Variants in DNAH9 observed in about 807,000 individuals in gnomAD.
The protein encoded by DNAH9 is DNAH9 variant protein.
Under a neutral mutation model 471.6 loss-of-function variants are expected in DNAH9, and 345 were observed. The observed-to-expected ratio is 0.73, with a 90% CI of 0.67 to 0.80. The LOEUF is 0.80. DNAH9 is among the 30% of genes least tolerant of loss of function. The pLI, the probability that DNAH9 is intolerant of heterozygous loss-of-function variation, is 0.00. For missense variants in DNAH9, 5,407 were observed against 5,609.2 expected (o/e 0.96, Z 1.15); for synonymous variants, 2,093 against 2,123.6 (o/e 0.99, Z 0.40).
intron 61 of DNAH9, among the ~76,000 whole-genome samples, chr17:11,915,019 C>T (rs1034980829): frequency 2.0e-5 from 3 of 152,076 alleles, no homozygotes; most frequent in Non-Finnish European, 4.4e-5. Context: ...CTATTGATTC[C>T]ACCTCCTAAA....
intron 67 of DNAH9, among the ~76,000 whole-genome samples, chr17:11,961,023 A>G (rs1976108556): frequency 6.7e-6 from 1 of 148,894 alleles, no homozygotes; most frequent in East Asian, 1.9e-4. Flanking sequence ...TGCTTTAAAC[A>G]TAGTGTTCAG....
At chr17:11,833,886 A>G (rs1970750720) in intron 48 of DNAH9, among the ~76,000 whole-genome samples, 1 of 152,188 alleles carries the variant, frequency 6.6e-6, no homozygotes, top group Non-Finnish European at 1.5e-5. Context: ...AATCTTTGGC[A>G]CACTCCACAC....
At chr17:11,878,031 G>A (rs1233309370) in intron 53 of DNAH9, among the ~76,000 whole-genome samples, 2 of 152,118 alleles carry the variant, frequency 1.3e-5, no homozygotes, top group Non-Finnish European at 2.9e-5. Flanking sequence ...ACCGCGCCCG[G>A]CCAATATGAT....
At chr17:11,829,720 G>A (rs7224357) in intron 48 of DNAH9, among the ~76,000 whole-genome samples, 100,522 of 152,106 alleles carry the variant, frequency 0.66, 33,341 homozygotes, top group African/African-American at 0.7. Flanking sequence ...TGATCCTCCC[G>A]CCTGGGCCTT....
In DNAH9 at chr17:11,919,222, G is replaced by A. The variant is rs369257972; in HGVS notation, c.11750-4592G>A. On this transcript the variant is annotated intron_variant, in intron 61 of 68. Coordinates refer to ENST00000262442, the MANE Select transcript of DNAH9 (RefSeq NM_001372.4). Reference sequence around the variant, plus strand: ...TAAGAAAAGGGGTTCATGGCGGGGCGCAGTGGCTCACGCCTGTAATCCCAG... The same window carrying A: ...TAAGAAAAGGGGTTCATGGCGGGGCACAGTGGCTCACGCCTGTAATCCCAG... Among the ~76,000 whole-genome samples, 8 of 151,782 alleles carry A rather than the reference G, an allele frequency of 5.3e-5. No individual in the cohort carries two copies. In the East Asian group the frequency reaches 1.4e-3, roughly 26 times the overall value.
At chr17:11,869,065 T>A in intron 50 of DNAH9, 69 bp from the exon 51 acceptor site, 1 of 1,564,012 alleles carries the variant, frequency 6.4e-7, no homozygotes, top group Non-Finnish European at 8.7e-7. Context: ...ATGTGAACCC[T>A]CATCTAATGA....
rs377760126 is a variant in DNAH9, at chr17:11,804,748, C to T, written c.8421-2984C>T. Among the ~76,000 whole-genome samples the T allele has an allele frequency of 2.6e-5, 4 of 152,090 alleles. No homozygotes were observed. The East Asian group carries it at 7.8e-4, about 30-fold the overall frequency. On this transcript the variant is annotated intron_variant, in intron 43 of 68. Coordinates refer to ENST00000262442, the MANE Select transcript of DNAH9 (RefSeq NM_001372.4). ...AATTAGCCGAGCGTGGTGGCAGGCA[C>T]CTGTAGTCCCAGCTACTCGGGAGGC...
intron 67 of DNAH9, among the ~76,000 whole-genome samples, chr17:11,944,677 C>G (rs979933967): frequency 6.6e-6 from 1 of 152,174 alleles, no homozygotes; most frequent in Non-Finnish European, 1.5e-5. Flanking sequence ...ATCCCAGACT[C>G]TCCTTAGGAC....
intron 26 of DNAH9, among the ~76,000 whole-genome samples, chr17:11,714,654 G>A (rs1042519931): frequency 3.2e-4 from 49 of 152,192 alleles, no homozygotes; most frequent in East Asian, 7.7e-4. Context: ...AAATTATTTA[G>A]GTAGACTTAA....
intron 45 of DNAH9, among the ~76,000 whole-genome samples, chr17:11,820,871 G>A (rs9896021): frequency 0.05 from 7,542 of 152,200 alleles, 632 homozygotes; most frequent in African/African-American, 0.17. Flanking sequence ...GATTCAGATA[G>A]AGTTAGAAAA....
At chr17:11,774,708 C>T (rs961726507) in intron 38 of DNAH9, among the ~76,000 whole-genome samples, 3 of 152,154 alleles carry the variant, frequency 2.0e-5, no homozygotes, top group African/African-American at 4.8e-5. Flanking sequence ...CATATCATTA[C>T]TATTTTAATC....
intron 3 of DNAH9, 26 bp from the exon 4 acceptor site, chr17:11,611,624 A>G: frequency 6.2e-7 from 1 of 1,611,028 alleles, no homozygotes; most frequent in Non-Finnish European, 8.5e-7. Context: ...GCTTCCCTGG[A>G]TTCACCCTTC....
chr17:11,691,993 G>A (rs2074340545), intron 20 of DNAH9, among the ~76,000 whole-genome samples: 7 of 152,012 alleles, frequency 4.6e-5, no homozygotes, highest in Admixed American at 1.3e-4. Context: ...TAGTAGAGAC[G>A]AGGTTTCACC....
rs1418109987 is a variant in DNAH9, at chr17:11,704,419, G to A, written c.5368G>A (p.Val1790Ile). The change falls in exon 25 of 69, where the codon GTA becomes ATA. Residue 1790 changes from valine (V) to isoleucine (I), a missense_variant. Physicochemically the swap from Val to Ile is conservative, Grantham distance 29. Coordinates refer to ENST00000262442, the MANE Select transcript of DNAH9 (RefSeq NM_001372.4). Reference sequence around the variant, plus strand: ...CATCGATGTGCATGCCCGGGATGTGGTAGCCAAGATGATTGCTCAGAAGGT... The same window carrying A: ...CATCGATGTGCATGCCCGGGATGTGATAGCCAAGATGATTGCTCAGAAGGT... The part of the protein sequence containing the change: ...CTIDVHARDV[V>I]AKMIAQKVDN... 2 of 1,613,502 alleles carry A rather than the reference G, an allele frequency of 1.2e-6. No homozygotes were observed. Among genetic ancestry groups the A allele is most frequent in the South Asian group, 1.1e-5 (1 of 91,046 alleles).
At chr17:11,768,671 A>G in intron 37 of DNAH9, 45 bp downstream of exon 37, 1 of 1,595,250 alleles carries the variant, frequency 6.3e-7, no homozygotes, top group Non-Finnish European at 8.6e-7. Flanking sequence ...AGTTGCCCTC[A>G]AGGATCTGCA....
chr17:11,693,158 C>A (rs1222273745), intron 20 of DNAH9, among the ~76,000 whole-genome samples: 1 of 150,818 alleles, frequency 6.6e-6, no homozygotes, highest in African/African-American at 2.4e-5. Flanking sequence ...TGTGATCCAC[C>A]CGCCTCTGCC....
intron 26 of DNAH9, among the ~76,000 whole-genome samples, chr17:11,707,996 CACACACACACACACACACAGAGAGAG>C (rs1292860842): frequency 2.7e-3 from 153 of 56,890 alleles, no homozygotes; most frequent in Non-Finnish European, 5.5e-3. Flanking sequence ...CACACACACA[CACACACACACACACACACAGAGAGAG>C]AGAGAGAGAG....
chr17:11,953,155 A>G (rs957242231), intron 67 of DNAH9, among the ~76,000 whole-genome samples: 29 of 152,168 alleles, frequency 1.9e-4, no homozygotes, highest in Non-Finnish European at 3.7e-4. Flanking sequence ...TGGGGCTTCA[A>G]CATATGAATT....
intron 61 of DNAH9, among the ~76,000 whole-genome samples, chr17:11,915,210 C>T (rs1323197641): frequency 6.6e-6 from 1 of 152,142 alleles, no homozygotes; most frequent in Non-Finnish European, 1.5e-5. Flanking sequence ...GTGATTGTAT[C>T]ACTCTTCTAC....
Sources: gnomAD v4.1 joint callset for allele counts (sites outside exome capture counted in the v4.1 genomes callset) on GRCh38, gnomAD v4.1.1 for gene constraint, MANE v1.5 for transcripts, NCBI Gene and HGNC (gene_info 2026-07-23, HGNC 2026-07-21) for gene names.